The following SH3BP4 variants were observed in gnomAD, a reference collection of about 807,000 sequenced individuals.
SH3BP4 encodes SH3 domain-binding protein 4.
Under a neutral mutation model 65.5 loss-of-function variants are expected in SH3BP4, and 33 were observed. The ratio of observed to expected loss-of-function variants is 0.50; its 90% CI spans 0.38 to 0.67. The LOEUF is 0.67. SH3BP4 is among the 30% of genes least tolerant of loss of function. The probability of loss-of-function intolerance (pLI) is 0.00; values close to 1 mark genes in which losing one functional copy is unlikely to be tolerated. For missense variants in SH3BP4, 1,134 were observed against 1,261.4 expected (o/e 0.90, Z 1.53); for synonymous variants, 552 against 545.5 (o/e 1.01, Z -0.17).
rs1323258578 is a variant in SH3BP4 at position 235,045,769 on chromosome 2, C to T, written c.2478+2522C>T. 6.6e-6 allele frequency among the ~76,000 whole-genome samples: 1 copy of T among 152,204 alleles called. No homozygotes were observed. Among genetic ancestry groups the T allele is most frequent in the Non-Finnish European group, 1.5e-5 (1 of 68,042 alleles). ...GCCACGATTTCTGCGGCCTCTGCCA[C>T]CGCTTTACCTGCCCCTCCCAGAGAG... On this transcript the variant is annotated intron_variant, in intron 4 of 5. Coordinates refer to ENST00000392011, the MANE Select transcript of SH3BP4 (RefSeq NM_014521.3). The surrounding 1 kb of genome is among the most constrained non-coding windows in gnomAD (Gnocchi z 4.3).
At chr2:235,018,803 A>G (rs1311951757) in intron 2 of SH3BP4, among the ~76,000 whole-genome samples, 2 of 152,146 alleles carry the variant, frequency 1.3e-5, no homozygotes, top group Non-Finnish European at 2.9e-5. Context: ...GAGTTTGTTC[A>G]CGGAGCTTAC....
At chr2:235,039,329 T>C (rs1029071860) in intron 3 of SH3BP4, among the ~76,000 whole-genome samples, 5 of 152,092 alleles carry the variant, frequency 3.3e-5, no homozygotes, top group Non-Finnish European at 2.9e-5. Flanking sequence ...TTATTTCCTT[T>C]CAAAGGAAAA....
rs548820130 is a variant in SH3BP4 at position 235,052,325 on chromosome 2, G to A, written c.2479-237G>A. 1.3e-5 allele frequency among the ~76,000 whole-genome samples: 2 copies of A among 152,266 alleles called. No individual in the cohort carries two copies. The highest frequency in any genetic ancestry group is 4.8e-5 in the African/African-American group (2 of 41,546). On this transcript the variant is annotated intron_variant, in intron 4 of 5. Coordinates refer to ENST00000392011, the MANE Select transcript of SH3BP4 (RefSeq NM_014521.3). The surrounding 1 kb of genome is among the most constrained non-coding windows in gnomAD (Gnocchi z 5.0). ...AAGTAAGGTCACGTTCTGAGGTTCT[G>A]GGTGGATGTGGGCTTTGGAGGGAGA...
rs1006851199 is a variant in SH3BP4, at chr2:235,045,257, C to G, written c.2478+2010C>G. On this transcript the variant is annotated intron_variant, in intron 4 of 5. Coordinates refer to ENST00000392011, the MANE Select transcript of SH3BP4 (RefSeq NM_014521.3). The surrounding 1 kb of genome is among the most constrained non-coding windows in gnomAD (Gnocchi z 4.3). ...TGGAACCTGACAGCATTGCTGAGCC[C>G]AGGACACTCACCTCGACGTTGCACC... Among the ~76,000 whole-genome samples the G allele has an allele frequency of 6.6e-6, 1 of 152,118 alleles. No homozygotes were observed. Among genetic ancestry groups the G allele is most frequent in the Non-Finnish European group, 1.5e-5 (1 of 68,002 alleles).
intron 3 of SH3BP4, among the ~76,000 whole-genome samples, chr2:235,037,984 T>A (rs1695440620): frequency 6.6e-6 from 1 of 151,846 alleles, no homozygotes; most frequent in African/African-American, 2.4e-5. Flanking sequence ...GCATAGATTA[T>A]GGCTTCTCTG....
intron 1 of SH3BP4, among the ~76,000 whole-genome samples, chr2:234,971,883 T>C (rs1191379377): frequency 6.6e-6 from 1 of 151,998 alleles, no homozygotes; most frequent in Non-Finnish European, 1.5e-5. Context: ...ATGGCGTGAT[T>C]TTGGCTCACT....
At chr2:235,014,725 C>G (rs947261803) in intron 2 of SH3BP4, among the ~76,000 whole-genome samples, 24 of 152,172 alleles carry the variant, frequency 1.6e-4, no homozygotes, top group Admixed American at 7.2e-4. Flanking sequence ...TTGCATCTCT[C>G]TGTGTCCACA....
intron 2 of SH3BP4, among the ~76,000 whole-genome samples, chr2:235,007,467 A>G (rs1244699747): frequency 1.3e-5 from 2 of 152,148 alleles, no homozygotes; most frequent in African/African-American, 2.4e-5. Flanking sequence ...GGAGGTTCCA[A>G]CCGGCATGGA....
intron 1 of SH3BP4, among the ~76,000 whole-genome samples, chr2:234,957,592 C>T (rs1692616193): frequency 6.6e-6 from 1 of 151,702 alleles, no homozygotes; most frequent in Non-Finnish European, 1.5e-5. Flanking sequence ...CTTCAAAACT[C>T]AGGCTGCATT....
chr2:235,017,398 A>T (rs1694721428), intron 2 of SH3BP4, among the ~76,000 whole-genome samples: 1 of 150,180 alleles, frequency 6.7e-6, no homozygotes, highest in African/African-American at 2.5e-5. Context: ...GTGAGCTGAG[A>T]TCGTGCCACT....
At chr2:234,966,317 C>G (rs1369042251) in intron 1 of SH3BP4, among the ~76,000 whole-genome samples, 1 of 152,038 alleles carries the variant, frequency 6.6e-6, no homozygotes, top group Non-Finnish European at 1.5e-5. Context: ...TGCAGTGAGC[C>G]GAGATTGCGC....
At position 234,952,438 on chromosome 2, in the gene SH3BP4, C is replaced by G. The variant is rs187788899; in HGVS notation, c.-207+268C>G. 0.028 allele frequency among the ~76,000 whole-genome samples: 4,288 copies of G among 150,968 alleles called. 111 individuals are homozygous for G. Among genetic ancestry groups the G allele is most frequent in the African/African-American group, 0.074 (3,057 of 41,308 alleles). Reference sequence around the variant, plus strand: ...CAGGGACCCGGCCCGGGGTTCCGGGCGCCGAGCCGCAGCCCTCCGCGTGCG... The same window carrying G: ...CAGGGACCCGGCCCGGGGTTCCGGGGGCCGAGCCGCAGCCCTCCGCGTGCG... On this transcript the variant is annotated intron_variant, in intron 1 of 5. Transcript: ENST00000392011. This position sits in a 1 kb window ranked among gnomAD's most constrained non-coding sequence, Gnocchi z 6.5.
At chr2:234,989,472 C>T (rs751755720) in intron 1 of SH3BP4, among the ~76,000 whole-genome samples, 1 of 152,230 alleles carries the variant, frequency 6.6e-6, no homozygotes, top group Non-Finnish European at 1.5e-5. Flanking sequence ...CGGGTGAATG[C>T]CCACTTCCGT....
rs1334239788 is a variant in SH3BP4, at chr2:234,978,202, T to A, written c.-206-17101T>A. Among the ~76,000 whole-genome samples the A allele has an allele frequency of 6.6e-6, 1 of 152,230 alleles. No individual in the cohort carries two copies. The highest frequency in any genetic ancestry group is 1.9e-4 in the East Asian group (1 of 5,200). ...AACTCCCGACCTCAGGTGATCCGCC[T>A]GCCTCAGCCTCCCAAAGTGCTGGGA... On this transcript the variant is annotated intron_variant, in intron 1 of 5. Transcript: ENST00000392011. This position sits in a 1 kb window ranked among gnomAD's most constrained non-coding sequence, Gnocchi z 4.1.
At chr2:235,010,317 C>T (rs73995732) in intron 2 of SH3BP4, among the ~76,000 whole-genome samples, 6,200 of 152,286 alleles carry the variant, frequency 0.041, 409 homozygotes, top group African/African-American at 0.14. Flanking sequence ...ACTGACCTCC[C>T]GTGCTGGGCC....
intron 3 of SH3BP4, among the ~76,000 whole-genome samples, chr2:235,037,381 G>A (rs377535217): frequency 6.6e-6 from 1 of 152,118 alleles, no homozygotes; most frequent in African/African-American, 2.4e-5. Flanking sequence ...GGAAGAGTGG[G>A]GTGATTTCCC....
At chr2:235,038,256 TA>T (rs1415062023) in intron 3 of SH3BP4, among the ~76,000 whole-genome samples, 2 of 38,744 alleles carry the variant, frequency 5.2e-5, no homozygotes, top group Admixed American at 4.6e-4. Flanking sequence ...ATATTATATA[TA>T]ATATATATTA....
chr2:235,039,490 AAAAG>A lies in SH3BP4; in HGVS notation c.119-1378_119-1375del, dbSNP rs991527387. Among the ~76,000 whole-genome samples, 64 of 151,990 alleles carry A rather than the reference AAAAG, an allele frequency of 4.2e-4. 1 individual carries two copies. The South Asian group carries it at 7.9e-3, about 19-fold the overall frequency. On this transcript the variant is annotated intron_variant, in intron 3 of 5. Coordinates refer to ENST00000392011, the MANE Select transcript of SH3BP4 (RefSeq NM_014521.3). The stretch of plus-strand genomic sequence containing the variant: ...ATTTGCTTTGGCAACTTAAAAAAAA[AAAAG>A]AAAGAAAGAAAGAAAGAAACGTTTC...
chr2:234,961,575 A>G (rs1253143347), intron 1 of SH3BP4, among the ~76,000 whole-genome samples: 2 of 151,906 alleles, frequency 1.3e-5, no homozygotes, highest in Admixed American at 6.6e-5. Context: ...CCCGGCCTCC[A>G]TGTTGGTTTT....
Sources: gnomAD v4.1 joint callset for allele counts (sites outside exome capture counted in the v4.1 genomes callset) on GRCh38, gnomAD v4.1.1 for gene constraint, Gnocchi (gnomAD v3.1) non-coding constraint, MANE v1.5 for transcripts, NCBI Gene and HGNC (gene_info 2026-07-23, HGNC 2026-07-21) for gene names.